The following BSN variants were observed in gnomAD, a reference collection of about 807,000 sequenced individuals.
BSN encodes the protein protein bassoon.
In BSN, 57 loss-of-function variants were observed where a neutral mutation model predicts 264.8. The observed-to-expected ratio is 0.22, with a 90% CI of 0.17 to 0.27. BSN has a LOEUF of 0.27. Among genes scored for constraint, BSN ranks in the 10% least tolerant of loss-of-function variants. BSN has a pLI of 1.00. For missense variants in BSN, 4,615 were observed against 5,232.5 expected (o/e 0.88, Z 3.64); for synonymous variants, 2,059 against 2,137.3 (o/e 0.96, Z 1.01).
intron 1 of BSN, among the ~76,000 whole-genome samples, chr3:49,572,141 A>G (rs961336780): frequency 6.6e-5 from 10 of 152,318 alleles, no homozygotes; most frequent in Admixed American, 5.9e-4. Context: ...TGACCATTGG[A>G]CTTGTAGGAG....
rs753592854 is a variant in BSN, at chr3:49,664,449, G to A, written c.11635G>A (p.Gly3879Arg). The A allele has an allele frequency of 3.1e-6, 5 of 1,613,632 alleles. No homozygotes were observed. In the African/African-American group the frequency reaches 6.7e-5, roughly 22 times the overall value. The change falls in exon 9 of 12, where the codon GGA (glycine) becomes AGA (arginine). Residue 3879 changes from glycine (G) to arginine (R), a missense_variant. Transcript: ENST00000296452. The stretch of plus-strand genomic sequence containing the variant: ...TGTGAAGGCTGGAGCCAGGCCTGGA[G>A]GAACCCCAGGGGCTCCCGCCGGCCA... The part of the protein sequence containing the change: ...AGVKAGARPG[G>R]TPGAPAGQPG...
intron 1 of BSN, among the ~76,000 whole-genome samples, chr3:49,564,724 G>T (rs2051739779): frequency 6.6e-6 from 1 of 152,142 alleles, no homozygotes; most frequent in Non-Finnish European, 1.5e-5. Flanking sequence ...CAAGAGGAAT[G>T]CCCCTTGTCC....
In BSN at chr3:49,670,981, C is replaced by T. The variant is rs1038232015; in HGVS notation, c.*3496C>T. 7.2e-5 allele frequency: 11 copies of T among 152,248 alleles called. No homozygotes were observed. Among genetic ancestry groups the T allele is most frequent in the Admixed American group, 5.9e-4 (9 of 15,284 alleles). 9.4% of individuals were successfully genotyped at this position (152,248 alleles called of 1,614,324 possible). A position where few individuals can be genotyped will look rare whatever the true frequency, so the allele number is the denominator to read the frequency against. ...AAATACTTGTCATCATGGACTCCAA[C>T]AGGGTTAGAGGGACAGGCCTAATCA... On this transcript the variant is annotated 3_prime_UTR_variant, in exon 12 of 12. Transcript: ENST00000296452.
At chr3:49,588,304 T>TCA (rs1311530750) in intron 1 of BSN, among the ~76,000 whole-genome samples, 2 of 152,160 alleles carry the variant, frequency 1.3e-5, no homozygotes, top group Admixed American at 6.6e-5. Context: ...TTCTCCTGCC[T>TCA]CACTATGTTG....
chr3:49,613,372 C>T (rs2108047909), intron 1 of BSN, among the ~76,000 whole-genome samples: 1 of 135,332 alleles, frequency 7.4e-6, no homozygotes, highest in South Asian at 2.4e-4. Flanking sequence ...GAGCTCTCCA[C>T]AGTAATAATC....
At chr3:49,649,194 G>A (rs1044404418) in intron 3 of BSN, among the ~76,000 whole-genome samples, 2 of 152,234 alleles carry the variant, frequency 1.3e-5, no homozygotes, top group African/African-American at 4.8e-5. Flanking sequence ...GAGGCAGCAT[G>A]TGAAGTGAGG....
At chr3:49,601,224 C>A (rs572825949) in intron 1 of BSN, among the ~76,000 whole-genome samples, 2 of 152,322 alleles carry the variant, frequency 1.3e-5, no homozygotes, top group South Asian at 2.1e-4. Context: ...CAGAGAAAGG[C>A]AGCTAGTGGC....
intron 1 of BSN, among the ~76,000 whole-genome samples, chr3:49,589,356 CTA>C (rs1465548149): frequency 6.6e-6 from 1 of 151,994 alleles, no homozygotes; most frequent in East Asian, 1.9e-4. Context: ...GTTGAATTGT[CTA>C]TTTCTCCCTT....
Position 49,651,157 on chromosome 3 carries a change from T to G in BSN, c.1986+78T>G. ...GGAAAGGCTTGCCTCCCTGGGTGGC[T>G]GAGGCTGTAGGCTCAGGACAGGTGC... On this transcript the variant is annotated intron_variant, in intron 4 of 11. Transcript: ENST00000296452. The surrounding 1 kb of genome is among the most constrained non-coding windows in gnomAD (Gnocchi z 5.4). 1 of 1,428,346 alleles carries G rather than the reference T, an allele frequency of 7.0e-7. No individual in the cohort carries two copies. The highest frequency in any genetic ancestry group is 9.4e-7 in the Non-Finnish European group (1 of 1,068,690). 88.5% of individuals were successfully genotyped at this position (1,428,346 alleles called of 1,614,324 possible).
At chr3:49,593,168 G>A (rs1040918613) in intron 1 of BSN, among the ~76,000 whole-genome samples, 1 of 152,156 alleles carries the variant, frequency 6.6e-6, no homozygotes, top group Non-Finnish European at 1.5e-5. Flanking sequence ...ACCTTTTGGG[G>A]TTGGCTTTTT....
Position 49,654,447 on chromosome 3 carries a change from G to T in BSN, c.4891G>T (p.Gly1631Cys). The change falls in exon 5 of 12, where the codon GGC (glycine) becomes TGC (cysteine). Residue 1631 changes from glycine (G) to cysteine (C), a missense_variant. Physicochemically the swap from Gly to Cys is radical, Grantham distance 159. This residue lies in a region of BSN where 3,415 missense variants were observed against 3,866.4 expected (regional missense o/e 0.88). Coordinates refer to ENST00000296452, the MANE Select transcript of BSN (RefSeq NM_003458.4). This position sits in a 1 kb window ranked among gnomAD's most constrained non-coding sequence, Gnocchi z 4.1. ...AGADGPLALY[G>C]WGALPAENIS... ...TGCAGATGGGCCCCTGGCACTATAT[G>T]GCTGGGGTGCCCTCCCTGCTGAGAA... 3 of 1,603,516 alleles carry T rather than the reference G, an allele frequency of 1.9e-6. No individual in the cohort carries two copies. Among genetic ancestry groups the T allele is most frequent in the Non-Finnish European group, 2.6e-6 (3 of 1,175,394 alleles).
At position 49,663,285 on chromosome 3, in the gene BSN, C is replaced by T. The variant is rs758670019; in HGVS notation, c.11127C>T (p.Ser3709=). The T allele has an allele frequency of 3.7e-6, 6 of 1,614,118 alleles. No individual in the cohort carries two copies. The South Asian group carries it at 5.5e-5, about 15-fold the overall frequency. ...YPSSAEYSQP[S]RASSAYHHAS... ...GCTCTGCTGAGTACTCACAGCCATC[C>T]CGTGCTTCATCCGCATACCATCATG... The change falls in exon 7 of 12, where the codon TCC becomes TCT. Residue 3709 remains serine, a synonymous_variant. Transcript: ENST00000296452.
chr3:49,665,098 G>C (rs1415883315), intron 10 of BSN, 131 bp from the exon 11 acceptor site: 4 of 441,110 alleles, frequency 9.1e-6, no homozygotes. Flanking sequence ...GCCAAAGCCA[G>C]GGCCAGTGCC....
In BSN at chr3:49,655,983, C is replaced by T. The variant is rs769244491; in HGVS notation, c.6427C>T (p.Pro2143Ser). ...GCTCAGTGCTCCACAGAGTCTGGTT[C>T]CCCTCAGACCTGGACTCCTTGGTAA... ...PGLSAPQSLV[P>S]LRPGLLGNPT... Residue 2143 changes from proline to serine, a missense_variant, in exon 5 of 12, where the codon CCC (proline) becomes TCC (serine). Pro to Ser is a moderately conservative substitution (Grantham distance 74). Transcript: ENST00000296452. The T allele has an allele frequency of 1.2e-6, 2 of 1,607,428 alleles. No individual in the cohort carries two copies. Among genetic ancestry groups the T allele is most frequent in the South Asian group, 1.1e-5 (1 of 90,918 alleles).
intron 1 of BSN, among the ~76,000 whole-genome samples, chr3:49,600,819 T>C (rs1413271577): frequency 6.6e-6 from 1 of 151,292 alleles, no homozygotes; most frequent in Non-Finnish European, 1.5e-5. Flanking sequence ...AATAAATAAG[T>C]AAATAAAGGT....
Position 49,554,781 on chromosome 3 carries a change from T to C in BSN, c.179T>C (p.Val60Ala), listed in dbSNP as rs2051651354. 1.6e-6 allele frequency: 2 copies of C among 1,213,748 alleles called. No homozygotes were observed. The highest frequency in any genetic ancestry group is 1.6e-5 in the African/African-American group (1 of 63,024). The allele number at this position is 1,213,748 out of a possible 1,614,324, so 75.2% of individuals were successfully genotyped here. ...GAARSTAVPP[V>A]PGPGPGPGPG... Reference sequence around the variant, plus strand: ...GCGCGGTCGACCGCGGTACCACCGGTCCCTGGCCCCGGCCCCGGCCCCGGT... The same window carrying C: ...GCGCGGTCGACCGCGGTACCACCGGCCCCTGGCCCCGGCCCCGGCCCCGGT... The change falls in exon 1 of 12, where the codon GTC (valine) becomes GCC (alanine). Residue 60 changes from valine to alanine, a missense_variant. By Grantham distance (64) the Val-to-Ala change is moderately conservative (BLOSUM62 0). Around this residue, in one of 3 missense-constraint regions of BSN, gnomAD observed 1,197 missense variants for 1,348.0 expected, o/e 0.89. Coordinates refer to ENST00000296452, the MANE Select transcript of BSN (RefSeq NM_003458.4).
At chr3:49,589,376 G>C (rs1423014935) in intron 1 of BSN, among the ~76,000 whole-genome samples, 1 of 151,872 alleles carries the variant, frequency 6.6e-6, no homozygotes. Flanking sequence ...CTTCAATTCC[G>C]TCAGTTTTGC....
At position 49,643,195 on chromosome 3, in the gene BSN, G is replaced by A. The variant is rs545299222; in HGVS notation, c.1518+43G>A. On this transcript the variant is annotated intron_variant, in intron 3 of 11. Coordinates refer to ENST00000296452, the MANE Select transcript of BSN (RefSeq NM_003458.4). ...CATGCTCCCTTGAACCTTGATGAGA[G>A]GCCGGGCCTGGGTAGTGAGTGTCAT... 4.7e-5 allele frequency: 74 copies of A among 1,561,032 alleles called. No individual in the cohort carries two copies. The South Asian group carries it at 8.3e-4, about 17-fold the overall frequency.
chr3:49,639,478 G>A lies in BSN; in HGVS notation c.634-2790G>A, dbSNP rs552250534. The stretch of plus-strand genomic sequence containing the variant: ...CTCTCAAAGTGCTGGGATTACAGGC[G>A]TGAGCCACGGTGCACGGCCTGCCTT... On this transcript the variant is annotated intron_variant, in intron 2 of 11. Transcript: ENST00000296452. Among the ~76,000 whole-genome samples, 50 of 152,274 alleles carry A rather than the reference G, an allele frequency of 3.3e-4. No individual in the cohort carries two copies. The South Asian group carries it at 9.3e-3, about 28-fold the overall frequency.
Sources: allele counts gnomAD v4.1 joint callset (sites outside exome capture counted in the v4.1 genomes callset), GRCh38; gene constraint gnomAD v4.1.1; regional missense constraint gnomAD v4.1.1; non-coding constraint Gnocchi (gnomAD v3.1); transcripts MANE v1.5; gene names NCBI Gene and HGNC (gene_info 2026-07-23, HGNC 2026-07-21).